Variants in FBXO33 observed in about 807,000 individuals in gnomAD.
FBXO33 encodes the protein F-box only protein 33.
In FBXO33, 22 loss-of-function variants were observed where a neutral mutation model predicts 46.3. The ratio of observed to expected loss-of-function variants is 0.48; its 90% confidence interval spans 0.34 to 0.68. The LOEUF is 0.68. FBXO33 is among the 30% of genes least tolerant of loss of function. The pLI, the probability that FBXO33 is intolerant of heterozygous loss-of-function variation, is 0.01. For missense variants in FBXO33, 692 were observed against 708.8 expected (o/e 0.98, Z 0.27); for synonymous variants, 337 against 291.3 (o/e 1.16, Z -1.60).
At position 39,428,164 on chromosome 14, in the gene FBXO33, C is replaced by T. The variant is rs116596080; in HGVS notation, c.599+3400G>A. Among the ~76,000 whole-genome samples the T allele has an allele frequency of 2.6e-3, 399 of 152,242 alleles. 1 individual carries two copies. The highest frequency in any genetic ancestry group is 9.0e-3 in the African/African-American group (373 of 41,526). Reference sequence around the variant, plus strand: ...CCAGAATCTTAAAAAGAAAATCAATCTTGTACAAAATTTCTCTGGTCTGTT... The same window carrying T: ...CCAGAATCTTAAAAAGAAAATCAATTTTGTACAAAATTTCTCTGGTCTGTT... On this transcript the variant is annotated intron_variant, in intron 1 of 3. Coordinates refer to ENST00000298097, the MANE Select transcript of FBXO33 (RefSeq NM_203301.4).
intron 1 of FBXO33, among the ~76,000 whole-genome samples, chr14:39,417,853 T>C (rs73285587): frequency 0.086 from 13,013 of 152,040 alleles, 1,823 homozygotes; most frequent in African/African-American, 0.3. Flanking sequence ...TTGATGTTTC[T>C]ATGGGAGAGC....
chr14:39,414,043 G>C (rs1567075800), intron 1 of FBXO33, among the ~76,000 whole-genome samples: 1 of 152,144 alleles, frequency 6.6e-6, no homozygotes, highest in Non-Finnish European at 1.5e-5. Context: ...TCAGGTATTG[G>C]CTTGTCTCTA....
At chr14:39,410,698 A>T (rs2075418272) in intron 1 of FBXO33, among the ~76,000 whole-genome samples, 1 of 151,796 alleles carries the variant, frequency 6.6e-6, no homozygotes, top group Non-Finnish European at 1.5e-5. Flanking sequence ...TTATGGATTC[A>T]CTCTCATTTG....
At chr14:39,425,106 T>C (rs1167522563) in intron 1 of FBXO33, among the ~76,000 whole-genome samples, 1 of 152,224 alleles carries the variant, frequency 6.6e-6, no homozygotes, top group Non-Finnish European at 1.5e-5. Flanking sequence ...TTTTCTATAC[T>C]GCACAAGAAT....
At chr14:39,419,598 A>C (rs566451624) in intron 1 of FBXO33, among the ~76,000 whole-genome samples, 31 of 152,344 alleles carry the variant, frequency 2.0e-4, no homozygotes, top group Middle Eastern at 6.8e-3. Flanking sequence ...TAAATAAGGG[A>C]ATTGTGCTAC....
rs1037366796 is a variant in FBXO33, at chr14:39,415,423, T to TA, written c.600-12913dup. On this transcript the variant is annotated intron_variant, in intron 1 of 3. Transcript: ENST00000298097. Reference sequence around the variant, plus strand: ...GCAGGGTTGCCACAAACTTAATTTGTAAAAAAAACATAATATCTGTGAAGT... The same window carrying TA: ...GCAGGGTTGCCACAAACTTAATTTGTAAAAAAAAACATAATATCTGTGAAGT... 1.8e-4 allele frequency among the ~76,000 whole-genome samples: 27 copies of TA among 152,118 alleles called. No individual in the cohort carries two copies. In the East Asian group the frequency reaches 2.7e-3, roughly 15 times the overall value.
At chr14:39,430,482 C>T (rs1391627505) in intron 1 of FBXO33, among the ~76,000 whole-genome samples, 2 of 152,164 alleles carry the variant, frequency 1.3e-5, no homozygotes, top group Non-Finnish European at 1.5e-5. Flanking sequence ...AAAGGACACG[C>T]TTTCGGAGAA....
At chr14:39,422,655 T>C (rs1009642351) in intron 1 of FBXO33, among the ~76,000 whole-genome samples, 3 of 152,246 alleles carry the variant, frequency 2.0e-5, no homozygotes, top group African/African-American at 7.2e-5. Flanking sequence ...AATTTATTAC[T>C]AGGTAGAGTG....
intron 1 of FBXO33, among the ~76,000 whole-genome samples, chr14:39,412,985 G>GT (rs1210510708): frequency 6.6e-6 from 1 of 152,248 alleles, no homozygotes; most frequent in African/African-American, 2.4e-5. Context: ...ACTGATCAGG[G>GT]TGATAGCTGA....
At chr14:39,431,468 T>G (rs8006123) in intron 1 of FBXO33, 96 bp downstream of exon 1, 7 of 1,567,570 alleles carry the variant, frequency 4.5e-6, no homozygotes, top group South Asian at 3.4e-5. Flanking sequence ...AACACTGAAG[T>G]TGGCCGGGCA....
At chr14:39,418,712 T>C (rs890588388) in intron 1 of FBXO33, among the ~76,000 whole-genome samples, 1 of 149,542 alleles carries the variant, frequency 6.7e-6, no homozygotes, top group African/African-American at 2.5e-5. Flanking sequence ...AAGGCAGAGG[T>C]TGCAGTGAGC....
chr14:39,403,351 T>C (rs1393036511), intron 1 of FBXO33, among the ~76,000 whole-genome samples: 1 of 152,162 alleles, frequency 6.6e-6, no homozygotes, highest in Non-Finnish European at 1.5e-5. Context: ...TCCTGGCACT[T>C]TGGGAGACCA....
intron 1 of FBXO33, among the ~76,000 whole-genome samples, chr14:39,415,477 G>A (rs2075443498): frequency 6.6e-6 from 1 of 151,982 alleles, no homozygotes; most frequent in Admixed American, 6.6e-5. Context: ...ACAAAACAAG[G>A]TATGCCTGTA....
chr14:39,406,601 G>A (rs1459673602), intron 1 of FBXO33, among the ~76,000 whole-genome samples: 2 of 152,164 alleles, frequency 1.3e-5, no homozygotes, highest in Admixed American at 1.3e-4. Flanking sequence ...TCCCTGAATC[G>A]AGGAGACAAG....
Position 39,399,394 on chromosome 14 carries a change from A to G in FBXO33, c.*122T>C, listed in dbSNP as rs919307361. On this transcript the variant is annotated 3_prime_UTR_variant, in exon 4 of 4. Transcript: ENST00000298097. ...ATCAAGAAGTAGAATATACATATAT[A>G]ATTCTATAAAGCTAATACTGATTAA... 1 of 854,854 alleles carries G rather than the reference A, an allele frequency of 1.2e-6. No individual in the cohort carries two copies. The highest frequency in any genetic ancestry group is 1.8e-6 in the Non-Finnish European group (1 of 570,664). 53.0% of individuals were successfully genotyped at this position (854,854 alleles called of 1,614,324 possible).
In FBXO33 at chr14:39,422,828, TA is replaced by T. The variant is rs1227761388; in HGVS notation, c.599+8735del. ...TTTAAAATTAAGAACTTCTGAATAT[TA>T]AAAAATGCTTAAGGCCGGGTGCAGT... On this transcript the variant is annotated intron_variant, in intron 1 of 3. Coordinates refer to ENST00000298097, the MANE Select transcript of FBXO33 (RefSeq NM_203301.4). Among the ~76,000 whole-genome samples the T allele has an allele frequency of 2.6e-5, 4 of 152,134 alleles. No individual in the cohort carries two copies. The East Asian group carries it at 7.7e-4, about 29-fold the overall frequency.
At position 39,432,134 on chromosome 14, in the gene FBXO33, G is replaced by A. The variant is rs1206613498; in HGVS notation, c.29C>T (p.Pro10Leu). 4.8e-6 allele frequency: 6 copies of A among 1,241,128 alleles called. No homozygotes were observed. In the East Asian group the frequency reaches 9.5e-5, roughly 20 times the overall value. The allele number at this position is 1,241,128 out of a possible 1,614,324, so 76.9% of individuals were successfully genotyped here. Residue 10 changes from proline to leucine, a missense_variant, in exon 1 of 4, where the codon CCC (proline) becomes CTC (leucine). Pro to Leu is a moderately conservative substitution (Grantham distance 98). Transcript: ENST00000298097. MLLFLSVPQPRPPGARTRAG... is the reference protein window; with the variant it reads MLLFLSVPQLRPPGARTRAG... ...TCGGGTTCGAGCTCCCGGCGGTCGG[G>A]GCTGCGGCACTGACAAGAACAACAA...
In FBXO33 at chr14:39,401,317, C is replaced by G; in HGVS notation, c.1255G>C (p.Asp419His). 1 of 1,614,072 alleles carries G rather than the reference C, an allele frequency of 6.2e-7. No individual in the cohort carries two copies. The highest frequency in any genetic ancestry group is 1.6e-4 in the Middle Eastern group (1 of 6,062). The change falls in exon 3 of 4, where the codon GAC becomes CAC. Residue 419 changes from aspartate to histidine, a missense_variant. Around this residue, in one of 3 missense-constraint regions of FBXO33, gnomAD observed 186 missense variants for 246.1 expected, o/e 0.76. Transcript: ENST00000298097. The part of the protein sequence containing the change: ...AIVDLISRQY[D>H]KFLTHFILMN... ...AAAATAAAATGAGTGAGGAACTTGT[C>G]ATATTGCCTGGATATAAGATCAACA...
chr14:39,406,158 A>G (rs1382774327), intron 1 of FBXO33, among the ~76,000 whole-genome samples: 3 of 152,040 alleles, frequency 2.0e-5, no homozygotes, highest in Admixed American at 6.6e-5. Flanking sequence ...TTTGTTTTCC[A>G]TAAGTTTTCT....
Sources: allele counts gnomAD v4.1 joint callset (sites outside exome capture counted in the v4.1 genomes callset), GRCh38; gene constraint gnomAD v4.1.1; regional missense constraint gnomAD v4.1.1; transcripts MANE v1.5; gene names NCBI Gene and HGNC (gene_info 2026-07-23, HGNC 2026-07-21).